ARHGAP15: variants seen among roughly 807,000 people sequenced by gnomAD.
ARHGAP15 encodes the protein rho GTPase-activating protein 15.
A neutral mutation model predicts 63.7 loss-of-function variants in ARHGAP15; 51 were observed. The ratio of observed to expected loss-of-function variants is 0.80; its 90% CI spans 0.64 to 1.01. The LOEUF is 1.01. Ranked by LOEUF, ARHGAP15 falls within the 50% of genes least tolerant of loss-of-function variation. The probability of loss-of-function intolerance (pLI) is 0.00; values close to 1 mark genes in which losing one functional copy is unlikely to be tolerated. For synonymous variants in ARHGAP15, 191 were observed against 193.8 expected (o/e 0.99, Z 0.12); for missense variants, 560 against 564.6 (o/e 0.99, Z 0.08).
chr2:143,408,951 G>A (rs940799067), intron 6 of ARHGAP15, among the ~76,000 whole-genome samples: 1 of 151,778 alleles, frequency 6.6e-6, no homozygotes, highest in South Asian at 2.1e-4. Flanking sequence ...AGAAGATAAT[G>A]TTCTCTTCCT....
At chr2:143,265,686 T>C (rs1043671386) in intron 6 of ARHGAP15, among the ~76,000 whole-genome samples, 1 of 152,166 alleles carries the variant, frequency 6.6e-6, no homozygotes, top group African/African-American at 2.4e-5. Flanking sequence ...CCAATGATAC[T>C]TATCTGGGTA....
intron 13 of ARHGAP15, among the ~76,000 whole-genome samples, chr2:143,729,352 C>T (rs996761021): frequency 1.3e-5 from 2 of 152,160 alleles, no homozygotes; most frequent in Non-Finnish European, 2.9e-5. Flanking sequence ...GTCATTATTT[C>T]CTGGGTCAAA....
chr2:143,471,228 GTATGTGTA>G (rs564082249), intron 8 of ARHGAP15, among the ~76,000 whole-genome samples: 177 of 147,458 alleles, frequency 1.2e-3, no homozygotes, highest in African/African-American at 4.3e-3. Flanking sequence ...ACACACATGT[GTATGTGTA>G]TATGTGTATA....
At chr2:143,745,952 C>T (rs545539024) in intron 13 of ARHGAP15, among the ~76,000 whole-genome samples, 1 of 152,144 alleles carries the variant, frequency 6.6e-6, no homozygotes, top group Non-Finnish European at 1.5e-5. Flanking sequence ...GTTGATCTTT[C>T]GTTCCAGTAA....
At chr2:143,461,467 C>G (rs1690938040) in intron 8 of ARHGAP15, among the ~76,000 whole-genome samples, 1 of 152,014 alleles carries the variant, frequency 6.6e-6, no homozygotes, top group Admixed American at 6.6e-5. Flanking sequence ...TTAGGGAGCA[C>G]AGATATTAAC....
chr2:143,373,426 C>G (rs531540541), intron 6 of ARHGAP15, among the ~76,000 whole-genome samples: 1 of 151,868 alleles, frequency 6.6e-6, no homozygotes, highest in Admixed American at 6.6e-5. Context: ...GTCAGGAGAT[C>G]GAGACCATCC....
intron 12 of ARHGAP15, among the ~76,000 whole-genome samples, chr2:143,661,411 CAAAG>C (rs897931263): frequency 3.3e-5 from 5 of 151,810 alleles, no homozygotes; most frequent in Admixed American, 6.6e-5. Context: ...ATTAATAAAA[CAAAG>C]AATGTTCAAT....
chr2:143,445,501 C>T (rs1430587437), intron 8 of ARHGAP15, among the ~76,000 whole-genome samples: 1 of 152,068 alleles, frequency 6.6e-6, no homozygotes, highest in Admixed American at 6.6e-5. Flanking sequence ...GGAATTATTG[C>T]TCTTGGAATT....
At chr2:143,594,980 A>G (rs1442202400) in intron 11 of ARHGAP15, among the ~76,000 whole-genome samples, 1 of 152,152 alleles carries the variant, frequency 6.6e-6, no homozygotes, top group Non-Finnish European at 1.5e-5. Flanking sequence ...CAACCGTACA[A>G]GCAAATGATG....
intron 6 of ARHGAP15, among the ~76,000 whole-genome samples, chr2:143,433,803 T>C (rs1049922474): frequency 6.6e-6 from 1 of 152,102 alleles, no homozygotes; most frequent in African/African-American, 2.4e-5. Context: ...ACATTGTACA[T>C]TGTGCTTTGG....
intron 2 of ARHGAP15, among the ~76,000 whole-genome samples, chr2:143,168,814 A>G (rs1343407116): frequency 1.3e-5 from 2 of 152,064 alleles, no homozygotes; most frequent in Non-Finnish European, 2.9e-5. Flanking sequence ...CTCACTAATT[A>G]ATTTGGAGAC....
At position 143,264,402 on chromosome 2, in the gene ARHGAP15, C is replaced by A. The variant is rs561021757; in HGVS notation, c.474+13802C>A. Among the ~76,000 whole-genome samples the A allele has an allele frequency of 3.3e-5, 5 of 152,198 alleles. No individual in the cohort carries two copies. In the East Asian group the frequency reaches 5.8e-4, roughly 18 times the overall value. ...TTTCATTGTGAGGCTGTTAGTATAA[C>A]CTACCACACACTCCACAGTAATATT... On this transcript the variant is annotated intron_variant, in intron 6 of 13. Coordinates refer to ENST00000295095, the MANE Select transcript of ARHGAP15 (RefSeq NM_018460.4).
intron 12 of ARHGAP15, among the ~76,000 whole-genome samples, chr2:143,700,351 G>C (rs950697514): frequency 1.3e-5 from 2 of 152,102 alleles, no homozygotes; most frequent in South Asian, 4.1e-4. Flanking sequence ...ACTGGATCAT[G>C]TTCCCTATAA....
chr2:143,622,126 G>A (rs1286268518), intron 11 of ARHGAP15, among the ~76,000 whole-genome samples: 2 of 152,052 alleles, frequency 1.3e-5, no homozygotes, highest in Non-Finnish European at 2.9e-5. Context: ...AACATTTTTA[G>A]AACATGTGTT....
intron 10 of ARHGAP15, among the ~76,000 whole-genome samples, chr2:143,549,526 C>T (rs1197440942): frequency 2.0e-5 from 3 of 152,072 alleles, no homozygotes; most frequent in Non-Finnish European, 4.4e-5. Flanking sequence ...ACAAAAAGAA[C>T]AGAAATTGTC....
chr2:143,659,329 G>C (rs1307002806), intron 12 of ARHGAP15, among the ~76,000 whole-genome samples: 1 of 152,038 alleles, frequency 6.6e-6, no homozygotes, highest in East Asian at 1.9e-4. Context: ...TACTTTACTT[G>C]TGGTAACTAT....
intron 10 of ARHGAP15, among the ~76,000 whole-genome samples, chr2:143,547,784 G>C (rs1695394509): frequency 1.3e-5 from 2 of 151,328 alleles, no homozygotes; most frequent in Non-Finnish European, 2.9e-5. Context: ...AGGAGATGAA[G>C]AAACTAGGAA....
At chr2:143,543,357 C>CTT (rs991133538) in intron 10 of ARHGAP15, among the ~76,000 whole-genome samples, 2 of 151,968 alleles carry the variant, frequency 1.3e-5, no homozygotes, top group African/African-American at 4.8e-5. Flanking sequence ...TGAGAAGTAT[C>CTT]TTTTTAGTTT....
chr2:143,754,812 C>T lies in ARHGAP15; in HGVS notation c.1245-13177C>T, dbSNP rs569460767. On this transcript the variant is annotated intron_variant, in intron 13 of 13. Transcript: ENST00000295095. ...CCTGGCTCTTTATCTACCTTCCAAT[C>T]TACTGATCAGGCCATCCATATTTTG... Among the ~76,000 whole-genome samples the T allele has an allele frequency of 3.3e-5, 5 of 152,236 alleles. No individual in the cohort carries two copies. The South Asian group carries it at 8.3e-4, about 25-fold the overall frequency.
Sources: gnomAD v4.1 joint callset for allele counts (sites outside exome capture counted in the v4.1 genomes callset) on GRCh38, gnomAD v4.1.1 for gene constraint, MANE v1.5 for transcripts, NCBI Gene and HGNC (gene_info 2026-07-23, HGNC 2026-07-21) for gene names.